Variants in STON2 observed in about 807,000 individuals in gnomAD.
STON2 encodes the protein stonin 2.
Under a neutral mutation model 65.7 loss-of-function variants are expected in STON2, and 29 were observed. The ratio of observed to expected loss-of-function variants is 0.44; its 90% CI spans 0.33 to 0.60. The LOEUF (loss-of-function observed/expected upper bound fraction) is 0.60. Ranked by LOEUF, STON2 falls within the 20% of genes least tolerant of loss-of-function variation. The probability of loss-of-function intolerance (pLI) is 0.03; values close to 1 mark genes in which losing one functional copy is unlikely to be tolerated. For missense variants in STON2, 1,054 were observed against 1,118.1 expected (o/e 0.94, Z 0.82); for synonymous variants, 404 against 414.2 (o/e 0.98, Z 0.30).
chr14:81,323,821 C>T (rs1263125662), intron 5 of STON2, 196 bp downstream of exon 5: 1 of 152,090 alleles, frequency 6.6e-6, no homozygotes, highest in African/African-American at 2.4e-5. Context: ...TCTTCCCAGG[C>T]CAGGCTATCG....
intron 6 of STON2, among the ~76,000 whole-genome samples, chr14:81,271,809 C>G (rs1407362669): frequency 6.6e-6 from 1 of 152,214 alleles, no homozygotes; most frequent in African/African-American, 2.4e-5. Context: ...GTACCCTATG[C>G]CTTCTTCTAT....
intron 5 of STON2, among the ~76,000 whole-genome samples, chr14:81,301,879 G>A (rs1176173203): frequency 6.6e-6 from 1 of 152,162 alleles, no homozygotes; most frequent in African/African-American, 2.4e-5. Flanking sequence ...TCAATCTCCA[G>A]AAATGCTTGC....
At chr14:81,319,806 T>C (rs181288827) in intron 5 of STON2, among the ~76,000 whole-genome samples, 1 of 152,296 alleles carries the variant, frequency 6.6e-6, no homozygotes, top group East Asian at 1.9e-4. Context: ...ATCACAAGAA[T>C]TGAGGACCCA....
intron 5 of STON2, among the ~76,000 whole-genome samples, chr14:81,297,424 T>C (rs889561181): frequency 3.3e-5 from 5 of 152,194 alleles, no homozygotes; most frequent in African/African-American, 1.2e-4. Context: ...TTAACCACTC[T>C]GGTATACTGC....
chr14:81,365,627 G>A (rs1164222947), intron 4 of STON2, among the ~76,000 whole-genome samples: 5 of 152,144 alleles, frequency 3.3e-5, no homozygotes, highest in Middle Eastern at 3.4e-3. Context: ...ATGGTGGTAC[G>A]TGCCTGTGGT....
intron 5 of STON2, among the ~76,000 whole-genome samples, chr14:81,311,973 G>A (rs983387600): frequency 2.6e-5 from 4 of 152,164 alleles, no homozygotes; most frequent in East Asian, 1.9e-4. Context: ...TAGCCAACAC[G>A]GCATGTCTCT....
chr14:81,410,512 T>G (rs948766265), intron 2 of STON2, among the ~76,000 whole-genome samples: 3 of 152,148 alleles, frequency 2.0e-5, no homozygotes, highest in African/African-American at 7.2e-5. Flanking sequence ...GGGGCTTCAG[T>G]CCTGCAACCA....
chr14:81,423,219 A>G (rs1197087208), intron 2 of STON2, among the ~76,000 whole-genome samples: 2 of 152,150 alleles, frequency 1.3e-5, no homozygotes, highest in Non-Finnish European at 2.9e-5. Flanking sequence ...GCCAAGACCA[A>G]GATGTACAAC....
In STON2 at chr14:81,385,184, TGAGCTAGGCCACATGG is replaced by T. The variant is rs1373069751; in HGVS notation, c.373+10694_373+10709del. Reference sequence around the variant, plus strand: ...TGTGTTTTGTATCCCACACCAAGGGTGAGCTAGGCCACATGGCCTCTCTGGGTGAGCTTGCACATTC... The same window carrying T: ...TGTGTTTTGTATCCCACACCAAGGGTCCTCTCTGGGTGAGCTTGCACATTC... On this transcript the variant is annotated intron_variant, in intron 3 of 7. Coordinates refer to ENST00000614646, the MANE Select transcript of STON2 (RefSeq NM_001394390.1). Among the ~76,000 whole-genome samples the T allele has an allele frequency of 7.9e-5, 12 of 152,376 alleles. No individual in the cohort carries two copies. In the East Asian group the frequency reaches 1.3e-3, roughly 17 times the overall value.
intron 5 of STON2, among the ~76,000 whole-genome samples, chr14:81,290,387 G>A (rs2140153977): frequency 6.6e-6 from 1 of 152,284 alleles, no homozygotes; most frequent in South Asian, 2.1e-4. Context: ...TGGTCAGGGG[G>A]CTGGTGATAT....
At chr14:81,359,159 AAT>A (rs1283092586) in intron 4 of STON2, among the ~76,000 whole-genome samples, 1 of 152,218 alleles carries the variant, frequency 6.6e-6, no homozygotes, top group Non-Finnish European at 1.5e-5. Context: ...AGTCTTATTA[AAT>A]TAGAGAAGAC....
At chr14:81,430,357 T>C (rs1453499621) in intron 1 of STON2, among the ~76,000 whole-genome samples, 1 of 152,218 alleles carries the variant, frequency 6.6e-6, no homozygotes, top group South Asian at 2.1e-4. Flanking sequence ...CCTCGTAACG[T>C]TCTCCTCAAA....
chr14:81,371,676 TA>T (rs34428344), intron 3 of STON2, among the ~76,000 whole-genome samples: 1,573 of 97,644 alleles, frequency 0.016, 49 homozygotes, highest in South Asian at 0.071. Flanking sequence ...AGACTGAGTC[TA>T]AAAAAAAAAA....
At chr14:81,330,995 A>T (rs1897191384) in intron 4 of STON2, among the ~76,000 whole-genome samples, 1 of 152,162 alleles carries the variant, frequency 6.6e-6, no homozygotes, top group African/African-American at 2.4e-5. Flanking sequence ...CTATTGGTTC[A>T]CTCTGAAATG....
rs35768263 is a variant in STON2 at position 81,277,454 on chromosome 14, G to A, written c.2028C>T (p.Leu676=). 4,645 of 1,614,126 alleles carry A rather than the reference G, an allele frequency of 2.9e-3. 137 individuals carry two copies. In the African/African-American group the frequency reaches 0.054, roughly 19 times the overall value. The change falls in exon 6 of 8, where the codon CTC becomes CTT. Residue 676 remains leucine, a synonymous_variant. Transcript: ENST00000614646. ...TCAAAACTATTTCATTCCCTTTGAC[G>A]AGGATGTCATTGAGGCCCAGGCGGC... ...AECRLGLNDI[L]VKGNEIVLRQ...
intron 1 of STON2, among the ~76,000 whole-genome samples, chr14:81,433,806 T>G (rs952378752): frequency 2.0e-5 from 3 of 152,234 alleles, no homozygotes; most frequent in Non-Finnish European, 2.9e-5. Flanking sequence ...TGACTTACAC[T>G]GGACATGCAG....
At chr14:81,301,023 T>C (rs113290382) in intron 5 of STON2, among the ~76,000 whole-genome samples, 2 of 152,176 alleles carry the variant, frequency 1.3e-5, no homozygotes, top group African/African-American at 4.8e-5. Flanking sequence ...CATTTATATA[T>C]GCAACAACAT....
chr14:81,362,926 AAT>A (rs1222082340), intron 4 of STON2, among the ~76,000 whole-genome samples: 2 of 152,216 alleles, frequency 1.3e-5, no homozygotes, highest in Admixed American at 6.5e-5. Flanking sequence ...CTAAACAAAG[AAT>A]TGTGGTCCAG....
At chr14:81,355,017 C>G (rs1898169580) in intron 4 of STON2, among the ~76,000 whole-genome samples, 1 of 151,686 alleles carries the variant, frequency 6.6e-6, no homozygotes, top group Non-Finnish European at 1.5e-5. Flanking sequence ...TAGAACACTT[C>G]AACAGCAGGC....
Sources: gnomAD v4.1 joint callset for allele counts (sites outside exome capture counted in the v4.1 genomes callset) on GRCh38, gnomAD v4.1.1 for gene constraint, MANE v1.5 for transcripts, NCBI Gene and HGNC (gene_info 2026-07-23, HGNC 2026-07-21) for gene names.